ST18: variants seen among roughly 807,000 people sequenced by gnomAD.
ST18 encodes ST18 C2H2C-type zinc finger transcription factor.
Under a neutral mutation model 110.0 loss-of-function variants are expected in ST18, and 50 were observed. That is an observed-to-expected ratio of 0.45 (90% CI 0.36 to 0.58). The LOEUF (loss-of-function observed/expected upper bound fraction) is 0.58. Ranked by LOEUF, ST18 falls within the 20% of genes least tolerant of loss-of-function variation. ST18 has a pLI of 0.00. For synonymous variants in ST18, 461 were observed against 452.4 expected (o/e 1.02, Z -0.24); for missense variants, 1,306 against 1,280.1 (o/e 1.02, Z -0.31).
At chr8:52,235,529 C>T (rs1288963263) in intron 2 of ST18, among the ~76,000 whole-genome samples, 1 of 152,152 alleles carries the variant, frequency 6.6e-6, no homozygotes, top group Non-Finnish European at 1.5e-5. Context: ...ATGCCCCTGA[C>T]CCTGTGATTT....
intron 2 of ST18, among the ~76,000 whole-genome samples, chr8:52,292,752 G>T (rs1455071389): frequency 1.3e-5 from 2 of 152,094 alleles, no homozygotes; most frequent in Non-Finnish European, 2.9e-5. Flanking sequence ...TTTAAATGAT[G>T]GGACTCATCT....
chr8:52,313,492 C>T, intron 2 of ST18: 1 of 164,002 alleles, frequency 6.1e-6, no homozygotes, highest in East Asian at 1.6e-4. Context: ...ATGTCCAATG[C>T]TGGGCCATTC....
intron 2 of ST18, among the ~76,000 whole-genome samples, chr8:52,369,348 T>C (rs1460866345): frequency 1.3e-5 from 2 of 152,184 alleles, no homozygotes; most frequent in Admixed American, 6.5e-5. Context: ...AAGTGGAGTA[T>C]ACTATTTCTG....
At chr8:52,297,076 AC>A (rs1564439576) in intron 2 of ST18, among the ~76,000 whole-genome samples, 1 of 152,182 alleles carries the variant, frequency 6.6e-6, no homozygotes, top group Non-Finnish European at 1.5e-5. Context: ...CCGTGAACAG[AC>A]CCCAACTCAT....
chr8:52,192,960 C>A (rs1163302993), intron 8 of ST18, among the ~76,000 whole-genome samples: 1 of 152,158 alleles, frequency 6.6e-6, no homozygotes, highest in South Asian at 2.1e-4. Context: ...AGTTGTAGGG[C>A]TGGGGGCTTA....
intron 8 of ST18, among the ~76,000 whole-genome samples, chr8:52,208,023 C>T (rs926109214): frequency 1.3e-5 from 2 of 152,126 alleles, no homozygotes; most frequent in African/African-American, 4.8e-5. Flanking sequence ...GGAGGAAAGA[C>T]TGGAAATGCT....
At chr8:52,271,575 A>G (rs939112663) in intron 2 of ST18, among the ~76,000 whole-genome samples, 1 of 152,364 alleles carries the variant, frequency 6.6e-6, no homozygotes, top group Non-Finnish European at 1.5e-5. Flanking sequence ...GTACCCACGT[A>G]GTTTATAACA....
intron 2 of ST18, among the ~76,000 whole-genome samples, chr8:52,386,337 A>C (rs895262385): frequency 6.6e-6 from 1 of 152,204 alleles, no homozygotes; most frequent in Non-Finnish European, 1.5e-5. Context: ...AAAAGATTGC[A>C]ATGAAATATC....
intron 10 of ST18, among the ~76,000 whole-genome samples, chr8:52,168,919 G>A (rs1026884583): frequency 6.6e-6 from 1 of 152,168 alleles, no homozygotes; most frequent in African/African-American, 2.4e-5. Flanking sequence ...AAAAAAAGGA[G>A]AAGAGCAATA....
intron 2 of ST18, among the ~76,000 whole-genome samples, chr8:52,383,976 G>C (rs941327978): frequency 2.6e-5 from 4 of 151,658 alleles, no homozygotes; most frequent in Non-Finnish European, 4.4e-5. Context: ...TCAAACTCCT[G>C]GGCTCAAGCT....
chr8:52,165,334 C>T (rs928481439), intron 11 of ST18, 109 bp from the exon 12 acceptor site: 1 of 1,003,974 alleles, frequency 1.0e-6, no homozygotes, highest in Non-Finnish European at 1.5e-6. Flanking sequence ...TTCCATCATC[C>T]ACCATGCTCT....
chr8:52,345,787 A>G (rs919839585), intron 2 of ST18, among the ~76,000 whole-genome samples: 4 of 151,554 alleles, frequency 2.6e-5, no homozygotes, highest in African/African-American at 9.7e-5. Context: ...CCTCGGCTTG[A>G]CTCCTTTCTT....
intron 22 of ST18, among the ~76,000 whole-genome samples, chr8:52,130,137 A>AAGAAAGAAAGAAAGAAAG (rs2048876342): frequency 6.6e-6 from 1 of 151,014 alleles, no homozygotes; most frequent in Non-Finnish European, 1.5e-5. Context: ...GAAAGAAAGA[A>AAGAAAGAAAGAAAGAAAG]AGAAAGAAAG....
chr8:52,130,808 C>G (rs1035171779), intron 22 of ST18, among the ~76,000 whole-genome samples: 1 of 152,144 alleles, frequency 6.6e-6, no homozygotes, highest in Admixed American at 6.5e-5. Flanking sequence ...GTGCTCACCA[C>G]AGTACAGCAT....
At chr8:52,379,595 C>T (rs554514010) in intron 2 of ST18, among the ~76,000 whole-genome samples, 153 of 150,202 alleles carry the variant, frequency 1.0e-3, no homozygotes, top group Middle Eastern at 3.4e-3. Context: ...ATTTTGTAGC[C>T]GGTAAATATT....
chr8:52,223,432 C>T (rs62499760), intron 3 of ST18, among the ~76,000 whole-genome samples: 1 of 151,886 alleles, frequency 6.6e-6, no homozygotes, highest in South Asian at 2.1e-4. Flanking sequence ...TCACATGAGG[C>T]CAGGAGTTTG....
chr8:52,258,571 T>C (rs1325403375), intron 2 of ST18, among the ~76,000 whole-genome samples: 2 of 152,206 alleles, frequency 1.3e-5, no homozygotes, highest in African/African-American at 4.8e-5. Flanking sequence ...GTTTATATCT[T>C]GCAGCCTTGC....
At chr8:52,230,448 T>C (rs539229774) in intron 2 of ST18, among the ~76,000 whole-genome samples, 7 of 152,150 alleles carry the variant, frequency 4.6e-5, no homozygotes, top group African/African-American at 1.4e-4. Context: ...TTAACACTAA[T>C]TTCTAATCAG....
intron 17 of ST18, among the ~76,000 whole-genome samples, chr8:52,141,241 C>T (rs2054919634): frequency 6.6e-6 from 1 of 152,154 alleles, no homozygotes; most frequent in South Asian, 2.1e-4. Context: ...ATGACGGACT[C>T]GGAATAATTT....
Sources: gnomAD v4.1 joint callset for allele counts (sites outside exome capture counted in the v4.1 genomes callset) on GRCh38, gnomAD v4.1.1 for gene constraint, MANE v1.5 for transcripts, NCBI Gene and HGNC (gene_info 2026-07-23, HGNC 2026-07-21) for gene names.